EDRF1: variants seen among roughly 807,000 people sequenced by gnomAD.
The protein encoded by EDRF1 is erythroid differentiation-related factor 1.
In EDRF1, 69 loss-of-function variants were observed where a neutral mutation model predicts 148.7. The ratio of observed to expected loss-of-function variants is 0.46; its 90% CI spans 0.38 to 0.57. The LOEUF (loss-of-function observed/expected upper bound fraction) is 0.57, where lower values mean the gene tolerates loss of function less well. EDRF1 is among the 20% of genes least tolerant of loss of function. The probability of loss-of-function intolerance (pLI) is 0.00; values close to 1 mark genes in which losing one functional copy is unlikely to be tolerated. For synonymous variants in EDRF1, 515 were observed against 532.8 expected, an observed-to-expected ratio of 0.97 and a Z score of 0.46; for missense variants, 1,118 against 1,478.7, an observed-to-expected ratio of 0.76 and a Z score of 4.00.
Position 125,729,018 on chromosome 10 carries a change from G to C in EDRF1, c.808G>C (p.Glu270Gln). The change falls in exon 7 of 25, where the codon GAA becomes CAA. Residue 270 changes from glutamate (E) to glutamine (Q), a missense_variant. Glu to Gln is a conservative substitution (Grantham distance 29). Around this residue, in one of 3 missense-constraint regions of EDRF1, gnomAD observed 954 missense variants for 1,241.4 expected, o/e 0.77. Transcript: ENST00000356792. ...CTTTTCACAGGGAAGTGAGCCTCTTGAACCCTCATACATAGTGGGGCATGT... is the reference window on the plus strand; with the variant it reads ...CTTTTCACAGGGAAGTGAGCCTCTTCAACCCTCATACATAGTGGGGCATGT... ...SASSQGSEPL[E>Q]PSYIVGHVAS... 2 of 1,581,424 alleles carry C rather than the reference G, an allele frequency of 1.3e-6. No individual in the cohort carries two copies. Among genetic ancestry groups the C allele is most frequent in the Non-Finnish European group, 1.7e-6 (2 of 1,171,192 alleles).
chr10:125,750,307 A>G (rs1849576471), intron 22 of EDRF1: 1 of 152,406 alleles, frequency 6.6e-6, no homozygotes, highest in African/African-American at 2.4e-5. Context: ...GACCGAGGTC[A>G]AGATAAGTCG....
chr10:125,731,840 G>C (rs1309354502), intron 9 of EDRF1: 1 of 449,100 alleles, frequency 2.2e-6, no homozygotes, highest in East Asian at 7.0e-5. Context: ...TGCTTTAAAT[G>C]CTTTACCTTA....
Position 125,752,963 on chromosome 10 carries a change from A to G in EDRF1, c.3393+49A>G, listed in dbSNP as rs202112832. 51 of 1,307,776 alleles carry G rather than the reference A, an allele frequency of 3.9e-5. No homozygotes were observed. The East Asian group carries it at 1.1e-3, about 29-fold the overall frequency. The allele number at this position is 1,307,776 out of a possible 1,614,324, so 81.0% of individuals were successfully genotyped here. On this transcript the variant is annotated intron_variant, in intron 23 of 24. Transcript: ENST00000356792. ...TTGGTTTTTGTGTGTCTTAAGCTAC[A>G]TGGTGAATGTATATAGTGGACGTGT...
chr10:125,756,967 G>A lies in EDRF1; in HGVS notation c.3545+3122G>A, dbSNP rs572960616. On this transcript the variant is annotated intron_variant, in intron 24 of 24. Coordinates refer to ENST00000356792, the MANE Select transcript of EDRF1 (RefSeq NM_001202438.2). ...AGCTGGGACCACGGGTGTGCCCCAC[G>A]ACACCCAACTAATTTTTTAATTTTT... The A allele has an allele frequency of 6.9e-4, 277 of 399,066 alleles. 1 individual carries two copies. Among genetic ancestry groups the A allele is most frequent in the Non-Finnish European group, 1.0e-3 (212 of 205,012 alleles). 24.7% of individuals were successfully genotyped at this position (399,066 alleles called of 1,614,324 possible).
intron 6 of EDRF1, among the ~76,000 whole-genome samples, chr10:125,727,992 T>C (rs1848336811): frequency 6.6e-6 from 1 of 151,504 alleles, no homozygotes; most frequent in African/African-American, 2.4e-5. Flanking sequence ...AGGCCCGGAG[T>C]TAGAGACCAG....
At chr10:125,720,643 T>G (rs1847939713) in intron 1 of EDRF1, among the ~76,000 whole-genome samples, 1 of 151,960 alleles carries the variant, frequency 6.6e-6, no homozygotes, top group Admixed American at 6.6e-5. Context: ...AAACCCTGTC[T>G]CTACTAAAAA....
chr10:125,730,183 C>T, intron 8 of EDRF1, 105 bp from the exon 9 acceptor site: 2 of 862,812 alleles, frequency 2.3e-6, no homozygotes, highest in Admixed American at 2.0e-5. Flanking sequence ...CATTTTCTAT[C>T]TAGAGAGGAC....
Position 125,721,251 on chromosome 10 carries a change from G to A in EDRF1, c.156G>A (p.Val52=). ...LGGNEVKSRA[V]VKYSSAPPRT... is the part of the protein sequence containing the mutation. ...GCAATGAAGTGAAGAGCCGAGCTGT[G>A]GTGAAATACTCTTCTGCCCCTCCTC... Residue 52 remains valine, a synonymous_variant, in exon 2 of 25, where the codon GTG becomes GTA. Coordinates refer to ENST00000356792, the MANE Select transcript of EDRF1 (RefSeq NM_001202438.2). The A allele has an allele frequency of 6.2e-7, 1 of 1,614,136 alleles. No individual in the cohort carries two copies. Among genetic ancestry groups the A allele is most frequent in the South Asian group, 1.1e-5 (1 of 91,072 alleles).
At position 125,735,664 on chromosome 10, in the gene EDRF1, C is replaced by T. The variant is rs751208188; in HGVS notation, c.1518C>T (p.Tyr506=). The T allele has an allele frequency of 6.8e-6, 11 of 1,612,838 alleles. No homozygotes were observed. The highest frequency in any genetic ancestry group is 2.7e-5 in the African/African-American group (2 of 74,872). The part of the protein sequence containing the change: ...RHPQIIASAN[Y]MLSELFQLDE... ...ATAAGATTATTGCTTCCGCCAATTA[C>T]ATGCTTTCAGAACTTTTTCAATTGG... Residue 506 remains tyrosine (Y), a synonymous_variant, in exon 13 of 25, where the codon TAC becomes TAT. Coordinates refer to ENST00000356792, the MANE Select transcript of EDRF1 (RefSeq NM_001202438.2).
At chr10:125,762,449 A>G (rs1850235898) in intron 24 of EDRF1, among the ~76,000 whole-genome samples, 4 of 151,670 alleles carry the variant, frequency 2.6e-5, no homozygotes, top group Admixed American at 2.6e-4. Flanking sequence ...GTTACCTGGT[A>G]TCTGGTTATG....
Position 125,735,698 on chromosome 10 carries a change from A to G in EDRF1, c.1552A>G (p.Lys518Glu), listed in dbSNP as rs1223610160. 6.2e-7 allele frequency: 1 copy of G among 1,613,274 alleles called. No individual in the cohort carries two copies. Among genetic ancestry groups the G allele is most frequent in the East Asian group, 2.2e-5 (1 of 44,868 alleles). ...AGAACTTTTTCAATTGGATGAACCT[A>G]AAAAGGAAGAAAATTCAGAATCTCC... ...LSELFQLDEPKKEENSESPLN... is the reference protein window; with the variant it reads ...LSELFQLDEPEKEENSESPLN... Residue 518 changes from lysine (K) to glutamate (E), a missense_variant, in exon 13 of 25, where the codon AAA (lysine) becomes GAA (glutamate). Lys to Glu is a moderately conservative substitution (Grantham distance 56). This residue lies in a region of EDRF1 where 954 missense variants were observed against 1,241.4 expected (regional missense o/e 0.77). Transcript: ENST00000356792.
chr10:125,742,190 T>A (rs754272201), intron 17 of EDRF1: 1 of 1,278,724 alleles, frequency 7.8e-7, no homozygotes, highest in South Asian at 1.2e-5. Context: ...CCTGTCTTGC[T>A]TAATATGTCA....
chr10:125,739,092 T>C (rs1296889997), intron 15 of EDRF1, among the ~76,000 whole-genome samples: 1 of 152,048 alleles, frequency 6.6e-6, no homozygotes, highest in Admixed American at 6.5e-5. Context: ...ACCTTATTTC[T>C]TTCCCCCTTT....
At chr10:125,724,724 T>C (rs992968592) in intron 4 of EDRF1, among the ~76,000 whole-genome samples, 1 of 152,238 alleles carries the variant, frequency 6.6e-6, no homozygotes, top group Non-Finnish European at 1.5e-5. Context: ...ATGGATACTT[T>C]TGAAAAACAT....
At chr10:125,727,284 C>T (rs1355239035) in intron 6 of EDRF1, among the ~76,000 whole-genome samples, 1 of 152,210 alleles carries the variant, frequency 6.6e-6, no homozygotes, top group Non-Finnish European at 1.5e-5. Context: ...GCTAGCCTGC[C>T]TTAAGAGTCT....
At chr10:125,722,936 C>A in intron 2 of EDRF1, 132 bp from the exon 3 acceptor site, 1 of 831,074 alleles carries the variant, frequency 1.2e-6, no homozygotes, top group Non-Finnish European at 2.1e-6. Flanking sequence ...TGATACACAT[C>A]CTGGTTTCAG....
rs1426211069 is a variant in EDRF1 at position 125,743,088 on chromosome 10, A to T, written c.2402A>T (p.Asp801Val). ...GFAWATDLSTDLESQLSVSCK... is the reference protein window; with the variant it reads ...GFAWATDLSTVLESQLSVSCK... ...GCATGGGCAACTGATTTGTCTACAG[A>T]CTTAGAAAGTCAACTCTCTGTTAGT... is the stretch of plus-strand genomic sequence containing the variant. Residue 801 changes from aspartate to valine, a missense_variant, in exon 18 of 25, where the codon GAC becomes GTC. Asp to Val is a radical substitution (Grantham distance 152, BLOSUM62 -3). Coordinates refer to ENST00000356792, the MANE Select transcript of EDRF1 (RefSeq NM_001202438.2). The T allele has an allele frequency of 6.2e-7, 1 of 1,613,882 alleles. No individual in the cohort carries two copies. Among genetic ancestry groups the T allele is most frequent in the Non-Finnish European group, 8.5e-7 (1 of 1,179,936 alleles).
At chr10:125,749,231 G>A in intron 21 of EDRF1, 181 bp from the exon 22 acceptor site, 1 of 654,390 alleles carries the variant, frequency 1.5e-6, no homozygotes. Flanking sequence ...CTGGGCGACA[G>A]AGCGAGACCC....
intron 14 of EDRF1, 102 bp downstream of exon 14, chr10:125,738,091 T>C (rs2133709398): frequency 7.2e-7 from 1 of 1,384,588 alleles, no homozygotes; most frequent in East Asian, 2.3e-5. Flanking sequence ...AATTGTGTTC[T>C]GCTGCGATTT....
Sources: gnomAD v4.1 joint callset for allele counts (sites outside exome capture counted in the v4.1 genomes callset) on GRCh38, gnomAD v4.1.1 for gene constraint, gnomAD v4.1.1 regional missense constraint, MANE v1.5 for transcripts, NCBI Gene and HGNC (gene_info 2026-07-23, HGNC 2026-07-21) for gene names.